ITGAE: variants seen among roughly 807,000 people sequenced by gnomAD.
ITGAE encodes integrin subunit alpha E, also known as integrin alpha-E.
In ITGAE, 99 loss-of-function variants were observed where a neutral mutation model predicts 136.5. The ratio of observed to expected loss-of-function variants is 0.73; its 90% CI spans 0.62 to 0.86. The LOEUF is 0.86. Among genes scored for constraint, ITGAE ranks in the 40% least tolerant of loss-of-function variants. The pLI is 0.00. For missense variants in ITGAE, 1,447 were observed against 1,515.3 expected, an observed-to-expected ratio of 0.95 and a Z score of 0.75; for synonymous variants, 613 against 591.8, an observed-to-expected ratio of 1.04 and a Z score of -0.52.
At chr17:3,759,300 T>G in intron 8 of ITGAE, 102 bp downstream of exon 8, 4 of 1,358,712 alleles carry the variant, frequency 2.9e-6, no homozygotes, top group Non-Finnish European at 4.1e-6. Context: ...GCTGGAGCCC[T>G]AATTCTCTTC....
intron 1 of ITGAE, 130 bp downstream of exon 1, chr17:3,800,981 G>C (rs1348081265): frequency 1.9e-6 from 2 of 1,058,670 alleles, no homozygotes; most frequent in Non-Finnish European, 2.8e-6. Flanking sequence ...TCCTGGAGGA[G>C]CTGCCACTCT....
chr17:3,800,251 C>G (rs1057376639), intron 1 of ITGAE, among the ~76,000 whole-genome samples: 1 of 152,242 alleles, frequency 6.6e-6, no homozygotes, highest in Non-Finnish European at 1.5e-5. Flanking sequence ...TCCCAAGTCC[C>G]CTCCCAGCAC....
intron 1 of ITGAE, among the ~76,000 whole-genome samples, chr17:3,786,702 C>T (rs968348118): frequency 7.2e-5 from 11 of 151,904 alleles, no homozygotes; most frequent in South Asian, 6.2e-4. Context: ...CTATCCTGGC[C>T]AACATGGTGA....
At chr17:3,741,724 G>C (rs895870658) in intron 19 of ITGAE, among the ~76,000 whole-genome samples, 3 of 152,176 alleles carry the variant, frequency 2.0e-5, no homozygotes, top group Admixed American at 6.6e-5. Flanking sequence ...CACATTAGGT[G>C]CCTCCTGAGA....
rs1287018499 is a variant in ITGAE at position 3,763,972 on chromosome 17, G to A, written c.156-12C>T. On this transcript the variant is annotated splice_polypyrimidine_tract_variant and intron_variant, in intron 2 of 30. Transcript: ENST00000263087. Reference sequence around the variant, plus strand: ...TGGTGACCAGGAGCCTGAGTGGGAGGGGAGGTTGCAAAGCTGAGCTGGCTG... The same window carrying A: ...TGGTGACCAGGAGCCTGAGTGGGAGAGGAGGTTGCAAAGCTGAGCTGGCTG... The A allele has an allele frequency of 7.5e-6, 12 of 1,600,134 alleles. 1 individual carries two copies. The highest frequency in any genetic ancestry group is 9.4e-6 in the Non-Finnish European group (11 of 1,169,028).
intron 22 of ITGAE, among the ~76,000 whole-genome samples, chr17:3,731,889 A>C (rs1161505933): frequency 1.3e-5 from 2 of 151,662 alleles, no homozygotes; most frequent in Non-Finnish European, 1.5e-5. Flanking sequence ...CCTGGCCAAC[A>C]TGGTGAAACC....
chr17:3,752,136 G>A (rs149993025), intron 14 of ITGAE, among the ~76,000 whole-genome samples: 4 of 152,116 alleles, frequency 2.6e-5, no homozygotes, highest in Admixed American at 6.6e-5. Context: ...CAGGATGCAC[G>A]CTCACTGGCC....
At chr17:3,739,677 T>G (rs552087914) in intron 20 of ITGAE, 128 bp downstream of exon 20, 2 of 755,102 alleles carry the variant, frequency 2.6e-6, no homozygotes, top group East Asian at 2.6e-5. Context: ...AGATAATAAG[T>G]GCAGAAGCCA....
rs1421939418 is a variant in ITGAE at position 3,723,732 on chromosome 17, A to C, written c.3097T>G (p.Cys1033Gly). ...CAAGCGCGCTCCTGACTCCAGGTGC[A>C]CACCGTGGAGGCCTGAAACGAGAGC... ...KLTRTQASTV[C>G]TWSQERACAY... is the part of the protein sequence containing the mutation. Residue 1033 changes from cysteine to glycine, a missense_variant, in exon 27 of 31, where the codon TGC (cysteine) becomes GGC (glycine). Cys to Gly is a radical substitution (Grantham distance 159). This residue lies in a region of ITGAE where 1,031 missense variants were observed against 1,011.4 expected (regional missense o/e 1.02). Coordinates refer to ENST00000263087, the MANE Select transcript of ITGAE (RefSeq NM_002208.5). The C allele has an allele frequency of 1.2e-6, 2 of 1,606,964 alleles. No individual in the cohort carries two copies.
At chr17:3,776,145 C>T (rs1166561924) in intron 2 of ITGAE, among the ~76,000 whole-genome samples, 1 of 150,068 alleles carries the variant, frequency 6.7e-6, no homozygotes, top group Non-Finnish European at 1.5e-5. Flanking sequence ...GCAACCTCCA[C>T]CTCCCAGGTT....
chr17:3,767,957 C>T (rs2052337533), intron 2 of ITGAE, among the ~76,000 whole-genome samples: 1 of 152,132 alleles, frequency 6.6e-6, no homozygotes. Flanking sequence ...CAGGCAGCTT[C>T]TAGAAGCCAA....
At chr17:3,785,689 G>T (rs191938742) in intron 1 of ITGAE, among the ~76,000 whole-genome samples, 10 of 151,992 alleles carry the variant, frequency 6.6e-5, no homozygotes, top group East Asian at 3.9e-4. Context: ...ATATGAACAC[G>T]TATCAATGAA....
chr17:3,752,909 T>C (rs1941036480), intron 14 of ITGAE, among the ~76,000 whole-genome samples: 1 of 150,726 alleles, frequency 6.6e-6, no homozygotes, highest in South Asian at 2.1e-4. Context: ...ATTAGCCGGG[T>C]GTGTGGCCCA....
Position 3,751,837 on chromosome 17 carries a change from T to A in ITGAE, c.1706A>T (p.His569Leu). 4 of 1,613,946 alleles carry A rather than the reference T, an allele frequency of 2.5e-6. No homozygotes were observed. The highest frequency in any genetic ancestry group is 3.4e-6 in the Non-Finnish European group (4 of 1,179,942). The stretch of plus-strand genomic sequence containing the variant: ...AAAGCGGGCATTGGTGAACCCGGGG[T>A]GCCCACTCAGTATGCGTGCCAAGGA... ...SFSLARILSGHPGFTNARFGF... is the reference protein window; with the variant it reads ...SFSLARILSGLPGFTNARFGF... The change falls in exon 15 of 31, where the codon CAC becomes CTC. Residue 569 changes from histidine to leucine, a missense_variant. This residue lies in a region of ITGAE where 1,031 missense variants were observed against 1,011.4 expected (regional missense o/e 1.02). Transcript: ENST00000263087.
Position 3,724,410 on chromosome 17 carries a change from G to A in ITGAE, c.3085-666C>T. The A allele has an allele frequency of 1.2e-6, 2 of 1,612,080 alleles. No homozygotes were observed. Among genetic ancestry groups the A allele is most frequent in the Non-Finnish European group, 1.7e-6 (2 of 1,179,592 alleles). ...CAGCGTGTGCGGCCAGCCCAGGGAC[G>A]GCGACGAGCTGGGCATCAGTGCCTC... On this transcript the variant is annotated intron_variant, in intron 26 of 30. Transcript: ENST00000263087.
At chr17:3,792,184 C>T (rs1251312571) in intron 1 of ITGAE, among the ~76,000 whole-genome samples, 3 of 152,158 alleles carry the variant, frequency 2.0e-5, no homozygotes, top group South Asian at 2.1e-4. Flanking sequence ...GGCAGTGGCG[C>T]GATCTCGGCT....
chr17:3,728,123 G>A lies in ITGAE; in HGVS notation c.2958C>T (p.His986=). 2 of 1,613,032 alleles carry A rather than the reference G, an allele frequency of 1.2e-6. No individual in the cohort carries two copies. The highest frequency in any genetic ancestry group is 1.7e-6 in the Non-Finnish European group (2 of 1,178,978). ...YVNTGQGLSH[H]KEFLFHVHGE... ...TACTTACATGGAAGAGGAATTCTTT[G>A]TGGTGAGAAAGCCCCTGGCCTGTGT... Residue 986 remains histidine (H), a synonymous_variant, in exon 25 of 31, where the codon CAC becomes CAT. Transcript: ENST00000263087.
intron 29 of ITGAE, 119 bp from the exon 30 acceptor site, chr17:3,716,917 GC>G (rs1408149721): frequency 3.2e-6 from 2 of 622,124 alleles, no homozygotes; most frequent in African/African-American, 3.7e-5. Flanking sequence ...ATTGATCAAA[GC>G]TGATGACAGT....
intron 1 of ITGAE, among the ~76,000 whole-genome samples, chr17:3,789,449 TCCTC>T (rs2052883392): frequency 6.6e-6 from 1 of 150,712 alleles, no homozygotes; most frequent in Non-Finnish European, 1.5e-5. Flanking sequence ...CTTCCTTCCT[TCCTC>T]CCCCCTCCCT....
Sources: allele counts gnomAD v4.1 joint callset (sites outside exome capture counted in the v4.1 genomes callset), GRCh38; gene constraint gnomAD v4.1.1; regional missense constraint gnomAD v4.1.1; transcripts MANE v1.5; gene names NCBI Gene and HGNC (gene_info 2026-07-23, HGNC 2026-07-21).